VPS54: variants seen among roughly 807,000 people sequenced by gnomAD.
The protein encoded by VPS54 is vacuolar protein sorting-associated protein 54.
Under a neutral mutation model 121.5 loss-of-function variants are expected in VPS54, and 45 were observed. That is an observed-to-expected ratio of 0.37 (90% CI 0.29 to 0.47). VPS54 has a LOEUF of 0.47. VPS54 is among the 20% of genes least tolerant of loss of function. The probability of loss-of-function intolerance (pLI) is 0.99; values close to 1 mark genes in which losing one functional copy is unlikely to be tolerated. For synonymous variants in VPS54, 371 were observed against 385.8 expected, an observed-to-expected ratio of 0.96 and a Z score of 0.45; for missense variants, 1,090 against 1,131.4, an observed-to-expected ratio of 0.96 and a Z score of 0.52.
At chr2:63,995,845 G>A (rs1439376298) in intron 1 of VPS54, among the ~76,000 whole-genome samples, 2 of 152,142 alleles carry the variant, frequency 1.3e-5, no homozygotes, top group African/African-American at 4.8e-5. Context: ...ATTTATCATT[G>A]GACATGACTA....
chr2:63,976,360 A>C lies in VPS54; in HGVS notation c.379-4116T>G, dbSNP rs1159757929. On this transcript the variant is annotated intron_variant, in intron 3 of 22. Coordinates refer to ENST00000272322, the MANE Select transcript of VPS54 (RefSeq NM_016516.3). ...AGCGTGACCTTGTCTCAAAAAAAAAAAAAACAAAAAACAAAAAAACACACA... is the reference window on the plus strand; with the variant it reads ...AGCGTGACCTTGTCTCAAAAAAAAACAAAACAAAAAACAAAAAAACACACA... Among the ~76,000 whole-genome samples, 5 of 151,622 alleles carry C rather than the reference A, an allele frequency of 3.3e-5. 1 individual carries two copies. Among genetic ancestry groups the C allele is most frequent in the Admixed American group, 2.0e-4 (3 of 15,228 alleles).
At chr2:64,013,554 T>TC (rs1361125157) in intron 1 of VPS54, among the ~76,000 whole-genome samples, 3 of 147,228 alleles carry the variant, frequency 2.0e-5, no homozygotes, top group Non-Finnish European at 4.5e-5. Context: ...CTGATATATA[T>TC]ATATGATATA....
chr2:64,007,716 G>C (rs902368663), intron 1 of VPS54, among the ~76,000 whole-genome samples: 1 of 152,174 alleles, frequency 6.6e-6, no homozygotes, highest in African/African-American at 2.4e-5. Context: ...AAGTGCCGAA[G>C]AAGAGAGCTA....
Position 63,893,196 on chromosome 2 carries a change from A to G in VPS54, c.*234T>C. Reference sequence around the variant, plus strand: ...CTGAGTCTGTTTCCAGAGAGAATGAAAAATGTTATAGACACCTGATCAGTT... The same window carrying G: ...CTGAGTCTGTTTCCAGAGAGAATGAGAAATGTTATAGACACCTGATCAGTT... On this transcript the variant is annotated 3_prime_UTR_variant, in exon 23 of 23. Coordinates refer to ENST00000272322, the MANE Select transcript of VPS54 (RefSeq NM_016516.3). 1 of 560,916 alleles carries G rather than the reference A, an allele frequency of 1.8e-6. No individual in the cohort carries two copies. Among genetic ancestry groups the G allele is most frequent in the Non-Finnish European group, 3.2e-6 (1 of 310,872 alleles). 34.7% of individuals were successfully genotyped at this position (560,916 alleles called of 1,614,324 possible).
Position 63,921,387 on chromosome 2 carries a change from C to A in VPS54, c.1740-52G>T, listed in dbSNP as rs763952223. ...CAGGGAAAGTTGTAAACATAGTATTCTCCACAGGTGACCTATCAATAAAAA... is the reference window on the plus strand; with the variant it reads ...CAGGGAAAGTTGTAAACATAGTATTATCCACAGGTGACCTATCAATAAAAA... On this transcript the variant is annotated intron_variant, in intron 12 of 22. Coordinates refer to ENST00000272322, the MANE Select transcript of VPS54 (RefSeq NM_016516.3). 14 of 1,579,682 alleles carry A rather than the reference C, an allele frequency of 8.9e-6. No individual in the cohort carries two copies. In the Middle Eastern group the frequency reaches 5.6e-4, roughly 63 times the overall value.
At chr2:63,977,636 T>C (rs757360970) in intron 3 of VPS54, among the ~76,000 whole-genome samples, 15 of 152,246 alleles carry the variant, frequency 9.9e-5, no homozygotes, top group African/African-American at 3.6e-4. Context: ...CAGCCCTTAG[T>C]ATATTAAACA....
At chr2:63,913,337 C>T (rs1437253198) in intron 17 of VPS54, 27 bp from the exon 18 acceptor site, 5 of 1,554,666 alleles carry the variant, frequency 3.2e-6, no homozygotes, top group Non-Finnish European at 4.4e-6. Flanking sequence ...AAAAAAACCC[C>T]AAAATTTACT....
rs181465580 is a variant in VPS54, at chr2:63,900,439, T to C, written c.2626-858A>G. On this transcript the variant is annotated intron_variant, in intron 20 of 22. Transcript: ENST00000272322. ...TACTATTCTTACATATGAAACAATA[T>C]GGTAGTATGACTTTAAAAGCCATCT... Among the ~76,000 whole-genome samples the C allele has an allele frequency of 3.7e-4, 56 of 152,290 alleles. No individual in the cohort carries two copies. In the East Asian group the frequency reaches 0.01, roughly 27 times the overall value.
intron 1 of VPS54, among the ~76,000 whole-genome samples, chr2:63,997,445 G>A (rs890953480): frequency 6.6e-6 from 1 of 152,096 alleles, no homozygotes; most frequent in Non-Finnish European, 1.5e-5. Context: ...TACGTATATA[G>A]GAATTTATCC....
chr2:63,953,280 C>T (rs1047829165), intron 7 of VPS54, among the ~76,000 whole-genome samples: 1 of 151,698 alleles, frequency 6.6e-6, no homozygotes, highest in African/African-American at 2.4e-5. Context: ...TACAGGTATG[C>T]ACCACCACAC....
intron 14 of VPS54, among the ~76,000 whole-genome samples, 190 bp downstream of exon 14, chr2:63,920,256 T>A (rs1237735059): frequency 2.6e-5 from 4 of 152,154 alleles, no homozygotes; most frequent in African/African-American, 9.6e-5. Flanking sequence ...AGTACTTTAA[T>A]AGAAGTAAAC....
chr2:63,998,367 T>C (rs1243581184), intron 1 of VPS54, among the ~76,000 whole-genome samples: 1 of 152,212 alleles, frequency 6.6e-6, no homozygotes, highest in African/African-American at 2.4e-5. Flanking sequence ...ATGCAGCCTC[T>C]TTATGTCTTG....
chr2:64,017,910 C>G (rs1195239893), intron 1 of VPS54, among the ~76,000 whole-genome samples: 1 of 152,220 alleles, frequency 6.6e-6, no homozygotes, highest in Non-Finnish European at 1.5e-5. Context: ...TCTGACTACA[C>G]TACAAATACA....
At chr2:63,984,513 A>G (rs750826404) in intron 1 of VPS54, among the ~76,000 whole-genome samples, 13 of 152,230 alleles carry the variant, frequency 8.5e-5, no homozygotes, top group Non-Finnish European at 1.5e-4. Flanking sequence ...ATGAGAATGG[A>G]CATAATAAGT....
At chr2:63,983,776 C>A in intron 2 of VPS54, 88 bp downstream of exon 2, 1 of 1,453,678 alleles carries the variant, frequency 6.9e-7, no homozygotes, top group South Asian at 1.5e-5. Context: ...AAAATTTACT[C>A]TTCTAACGTT....
At chr2:63,896,132 G>A (rs1299059715) in intron 22 of VPS54, among the ~76,000 whole-genome samples, 1 of 152,166 alleles carries the variant, frequency 6.6e-6, no homozygotes, top group African/African-American at 2.4e-5. Flanking sequence ...GACATCAAGT[G>A]AGAGATATAC....
At chr2:63,977,621 C>T (rs1171625050) in intron 3 of VPS54, among the ~76,000 whole-genome samples, 2 of 152,198 alleles carry the variant, frequency 1.3e-5, no homozygotes, top group East Asian at 3.8e-4. Flanking sequence ...CCATGTTTTC[C>T]ACTACAGCCC....
intron 12 of VPS54, among the ~76,000 whole-genome samples, chr2:63,927,419 A>T (rs1673960730): frequency 1.3e-5 from 2 of 152,184 alleles, no homozygotes; most frequent in African/African-American, 4.8e-5. Context: ...CAGTTGAGGG[A>T]TGTGACTGTT....
At chr2:63,979,010 A>G in intron 3 of VPS54, among the ~76,000 whole-genome samples, 1 of 152,198 alleles carries the variant, frequency 6.6e-6, no homozygotes, top group East Asian at 1.9e-4. Context: ...TTACTGGCAC[A>G]AAGTTATTCA....
Sources: allele counts gnomAD v4.1 joint callset (sites outside exome capture counted in the v4.1 genomes callset), GRCh38; gene constraint gnomAD v4.1.1; transcripts MANE v1.5; gene names NCBI Gene and HGNC (gene_info 2026-07-23, HGNC 2026-07-21).